The following FRY variants were observed in gnomAD, a reference collection of about 807,000 sequenced individuals.
FRY encodes the protein protein furry homolog.
A neutral mutation model predicts 348.4 loss-of-function variants in FRY; 128 were observed. The observed-to-expected ratio is 0.37, with a 90% CI of 0.32 to 0.43. FRY has a LOEUF of 0.43. Ranked by LOEUF, FRY falls within the 20% of genes least tolerant of loss-of-function variation. The pLI is 1.00. For missense variants in FRY, 2,736 were observed against 3,695.2 expected (o/e 0.74, Z 6.73); for synonymous variants, 1,370 against 1,374.7 (o/e 1.00, Z 0.08).
chr13:32,228,765 T>C (rs1885750163), intron 40 of FRY, 111 bp downstream of exon 40: 1 of 900,978 alleles, frequency 1.1e-6, no homozygotes, highest in Non-Finnish European at 1.8e-6. Context: ...AACAAAGTCC[T>C]GTTTCTCTTC....
At chr13:32,137,953 G>A (rs1879825397) in intron 11 of FRY, among the ~76,000 whole-genome samples, 1 of 152,058 alleles carries the variant, frequency 6.6e-6, no homozygotes, top group Admixed American at 6.6e-5. Context: ...CTAGGAGCTG[G>A]CTCTAAAAGC....
rs1448412952 is a variant in FRY at position 32,034,929 on chromosome 13, TG to T, written c.70+3067del. ...AGAATGTAAAAATGGCAGGGCCAAATGGGCTTCAGATCTCTTGCTCCTGCAC... is the reference window on the plus strand; with the variant it reads ...AGAATGTAAAAATGGCAGGGCCAAATGGCTTCAGATCTCTTGCTCCTGCAC... On this transcript the variant is annotated intron_variant, in intron 1 of 60. Coordinates refer to ENST00000542859, the MANE Select transcript of FRY (RefSeq NM_023037.3). Among the ~76,000 whole-genome samples the T allele has an allele frequency of 2.0e-5, 3 of 152,354 alleles. No homozygotes were observed. In the East Asian group the frequency reaches 5.8e-4, roughly 29 times the overall value.
chr13:32,034,882 C>G (rs1459232422), intron 1 of FRY, among the ~76,000 whole-genome samples: 1 of 152,220 alleles, frequency 6.6e-6, no homozygotes, highest in Non-Finnish European at 1.5e-5. Flanking sequence ...CCATCAGTCT[C>G]CTAATAAGGC....
At chr13:32,164,477 T>C (rs1729694967) in intron 17 of FRY, among the ~76,000 whole-genome samples, 2 of 152,208 alleles carry the variant, frequency 1.3e-5, no homozygotes, top group Non-Finnish European at 2.9e-5. Flanking sequence ...CTTTGAGTAA[T>C]GGCTGAATAC....
chr13:32,194,380 C>A, intron 29 of FRY, 83 bp downstream of exon 29: 2 of 1,248,252 alleles, frequency 1.6e-6, no homozygotes, highest in Non-Finnish European at 2.4e-6. Flanking sequence ...AGCTGTTTTG[C>A]AACTATATGA....
chr13:32,187,557 A>C lies in FRY; in HGVS notation c.3492A>C (p.Ala1164=), dbSNP rs1883095581. ...YQYCALKAMS[A]VLCCGPVFDN... ...GTTTTTATCATCAGGCAATGTCAGC[A>C]GTACTGTGCTGTGGCCCTGTCTTTG... is the stretch of plus-strand genomic sequence containing the variant. Residue 1164 remains alanine (A), a synonymous_variant, in exon 28 of 61, where the codon GCA becomes GCC. Coordinates refer to ENST00000542859, the MANE Select transcript of FRY (RefSeq NM_023037.3). 6.2e-7 allele frequency: 1 copy of C among 1,601,916 alleles called. No individual in the cohort carries two copies. Among genetic ancestry groups the C allele is most frequent in the African/African-American group, 1.3e-5 (1 of 74,676 alleles).
At chr13:32,274,703 C>CAAAAA (rs397723164) in intron 55 of FRY, 139 bp from the exon 56 acceptor site, 28 of 306,724 alleles carry the variant, frequency 9.1e-5, no homozygotes, top group Admixed American at 1.1e-4. Flanking sequence ...GATTCTGTCT[C>CAAAAA]AAAAAAAAAA....
chr13:32,056,210 A>G (rs1873616319), intron 1 of FRY, among the ~76,000 whole-genome samples: 1 of 151,142 alleles, frequency 6.6e-6, no homozygotes, highest in African/African-American at 2.4e-5. Context: ...AAAAAAAGGA[A>G]TATACCTGGC....
chr13:32,187,054 T>C lies in FRY; in HGVS notation c.3481-492T>C, dbSNP rs959666928. On this transcript the variant is annotated intron_variant, in intron 27 of 60. Transcript: ENST00000542859. ...CCACCCCTTTAGAGGAACTAAAGTTTTTATTTTTCATTTTATTTACCTTTG... is the reference window on the plus strand; with the variant it reads ...CCACCCCTTTAGAGGAACTAAAGTTCTTATTTTTCATTTTATTTACCTTTG... 2.6e-5 allele frequency among the ~76,000 whole-genome samples: 4 copies of C among 152,310 alleles called. No homozygotes were observed. In the East Asian group the frequency reaches 7.7e-4, roughly 29 times the overall value.
chr13:32,161,721 G>A (rs908865611), intron 17 of FRY, among the ~76,000 whole-genome samples: 31 of 152,288 alleles, frequency 2.0e-4, no homozygotes, highest in African/African-American at 7.5e-4. Flanking sequence ...TACCCAATCT[G>A]AGGCCCACAG....
intron 29 of FRY, among the ~76,000 whole-genome samples, chr13:32,200,076 A>G (rs541972199): frequency 3.9e-5 from 6 of 152,222 alleles, no homozygotes; most frequent in Admixed American, 3.9e-4. Flanking sequence ...CTCCTCTTAT[A>G]AAGCTACTGG....
intron 3 of FRY, among the ~76,000 whole-genome samples, chr13:32,110,297 T>C (rs1007782203): frequency 6.6e-6 from 1 of 152,190 alleles, no homozygotes; most frequent in African/African-American, 2.4e-5. Flanking sequence ...ATGAAAGGCA[T>C]GTGAGCTCAC....
Position 32,239,439 on chromosome 13 carries a change from G to C in FRY, c.6516+90G>C. On this transcript the variant is annotated intron_variant, in intron 45 of 60. Coordinates refer to ENST00000542859, the MANE Select transcript of FRY (RefSeq NM_023037.3). This position sits in a 1 kb window ranked among gnomAD's most constrained non-coding sequence, Gnocchi z 4.3. The stretch of plus-strand genomic sequence containing the variant: ...CAAATTACAAGGCCCAGAGATGGCA[G>C]TGATTTTCTCAAAAACTGGAAATAA... 1.2e-6 allele frequency: 1 copy of C among 838,710 alleles called. No homozygotes were observed. The highest frequency in any genetic ancestry group is 1.3e-5 in the South Asian group (1 of 74,844). The allele number at this position is 838,710 out of a possible 1,614,324, so 52.0% of individuals were successfully genotyped here. A position where few individuals can be genotyped will look rare whatever the true frequency, so the allele number is the denominator to read the frequency against.
chr13:32,234,433 A>G lies in FRY; in HGVS notation c.5528-141A>G, dbSNP rs895471220. ...GTGAGACCCTGTCTCAAAAAGAGAAAAAAAAAATGGTTGACTTGTAAATAA... is the reference window on the plus strand; with the variant it reads ...GTGAGACCCTGTCTCAAAAAGAGAAGAAAAAAATGGTTGACTTGTAAATAA... On this transcript the variant is annotated intron_variant, in intron 41 of 60. Transcript: ENST00000542859. The G allele has an allele frequency of 2.6e-4, 205 of 779,888 alleles. 1 individual carries two copies. Among genetic ancestry groups the G allele is most frequent in the Middle Eastern group, 3.6e-4 (1 of 2,740 alleles). 48.3% of individuals were successfully genotyped at this position (779,888 alleles called of 1,614,324 possible).
intron 3 of FRY, among the ~76,000 whole-genome samples, chr13:32,111,357 G>A (rs1425105371): frequency 2.0e-5 from 3 of 151,960 alleles, no homozygotes; most frequent in South Asian, 2.1e-4. Flanking sequence ...TTAGCTGGGC[G>A]TGGTGGTGTG....
At chr13:32,190,094 C>T (rs1883252265) in intron 28 of FRY, among the ~76,000 whole-genome samples, 1 of 151,288 alleles carries the variant, frequency 6.6e-6, no homozygotes. Context: ...TAAAGTTCTA[C>T]ATTTATTCAT....
At chr13:32,272,911 T>C (rs1352842022) in intron 55 of FRY, among the ~76,000 whole-genome samples, 1 of 116,596 alleles carries the variant, frequency 8.6e-6, no homozygotes, top group Non-Finnish European at 2.1e-5. Flanking sequence ...AATTTTTTGG[T>C]ATTTTTTTTT....
At chr13:32,136,350 G>A (rs1390660496) in intron 10 of FRY, among the ~76,000 whole-genome samples, 2 of 152,134 alleles carry the variant, frequency 1.3e-5, no homozygotes, top group African/African-American at 2.4e-5. Context: ...ATTTGTCTTG[G>A]TAGAGTTTAC....
At chr13:32,033,346 A>G (rs1025062740) in intron 1 of FRY, among the ~76,000 whole-genome samples, 5 of 152,232 alleles carry the variant, frequency 3.3e-5, no homozygotes, top group African/African-American at 9.6e-5. Flanking sequence ...TTGAGTTGAC[A>G]TCAGTACGTG....
Sources: allele counts gnomAD v4.1 joint callset (sites outside exome capture counted in the v4.1 genomes callset), GRCh38; gene constraint gnomAD v4.1.1; non-coding constraint Gnocchi (gnomAD v3.1); transcripts MANE v1.5; gene names NCBI Gene and HGNC (gene_info 2026-07-23, HGNC 2026-07-21).